The following GPC5 variants were observed in gnomAD, a reference collection of about 807,000 sequenced individuals.
GPC5 encodes glypican-5.
In GPC5, 47 loss-of-function variants were observed where a neutral mutation model predicts 53.9. That is an observed-to-expected ratio of 0.87 (90% confidence interval 0.69 to 1.11). The LOEUF (loss-of-function observed/expected upper bound fraction) is 1.11. Ranked by LOEUF, GPC5 falls within the 50% of genes most tolerant of loss-of-function variation. The pLI, the probability that GPC5 is intolerant of heterozygous loss-of-function variation, is 0.00. For synonymous variants in GPC5, 286 were observed against 263.3 expected, an observed-to-expected ratio of 1.09 and a Z score of -0.84; for missense variants, 748 against 713.1, an observed-to-expected ratio of 1.05 and a Z score of -0.56.
chr13:91,571,771 A>ATATATACACACACATACGTGTGTGTATG (rs1555325777), intron 2 of GPC5, among the ~76,000 whole-genome samples: 2 of 118,168 alleles, frequency 1.7e-5, no homozygotes, highest in Non-Finnish European at 3.5e-5. Flanking sequence ...GTGTATGTGT[A>ATATATACACACACATACGTGTGTGTATG]TATACACACA....
intron 6 of GPC5, among the ~76,000 whole-genome samples, chr13:92,099,397 G>A (rs1456772929): frequency 6.6e-6 from 1 of 152,076 alleles, no homozygotes; most frequent in African/African-American, 2.4e-5. Context: ...GACATATCAC[G>A]CTCTTTAGTG....
At chr13:92,415,704 C>T (rs1432983364) in intron 7 of GPC5, among the ~76,000 whole-genome samples, 1 of 150,976 alleles carries the variant, frequency 6.6e-6, no homozygotes, top group Non-Finnish European at 1.5e-5. Flanking sequence ...GTAATAGCAG[C>T]GGAATGATAA....
intron 5 of GPC5, among the ~76,000 whole-genome samples, chr13:91,810,933 G>T (rs1179481912): frequency 7.7e-6 from 1 of 129,884 alleles, no homozygotes; most frequent in Non-Finnish European, 1.6e-5. Flanking sequence ...GAGATTTTGT[G>T]TAACCAAAAA....
chr13:92,130,534 T>C (rs1390128217), intron 6 of GPC5, among the ~76,000 whole-genome samples: 1 of 152,066 alleles, frequency 6.6e-6, no homozygotes, highest in Non-Finnish European at 1.5e-5. Flanking sequence ...CACAAGCATT[T>C]TCAGGAAATA....
At chr13:92,542,700 G>A (rs1881970173) in intron 7 of GPC5, among the ~76,000 whole-genome samples, 1 of 151,820 alleles carries the variant, frequency 6.6e-6, no homozygotes. Flanking sequence ...CGCAATTTTT[G>A]CTTGTCTGGG....
intron 5 of GPC5, among the ~76,000 whole-genome samples, chr13:91,882,567 A>C (rs1229614841): frequency 2.6e-5 from 4 of 151,538 alleles, no homozygotes; most frequent in African/African-American, 9.7e-5. Flanking sequence ...ATATTGTTAA[A>C]CTTATAGGAA....
chr13:92,494,090 GTTTTGTTTTGT>G (rs1243715932), intron 7 of GPC5, among the ~76,000 whole-genome samples: 3 of 68,046 alleles, frequency 4.4e-5, no homozygotes, highest in Middle Eastern at 0.017. Flanking sequence ...GTTTTGTTTT[GTTTTGTTTTGT>G]TTTTTTGAGA....
At chr13:91,732,242 A>G (rs2036715814) in intron 4 of GPC5, among the ~76,000 whole-genome samples, 1 of 152,152 alleles carries the variant, frequency 6.6e-6, no homozygotes, top group Non-Finnish European at 1.5e-5. Context: ...GGCGTGAGAT[A>G]GTATCTCATT....
chr13:91,879,181 C>T lies in GPC5; in HGVS notation c.1281-28756C>T, dbSNP rs141977009. Among the ~76,000 whole-genome samples the T allele has an allele frequency of 4.3e-3, 650 of 151,934 alleles. 3 individuals carry two copies. The highest frequency in any genetic ancestry group is 0.015 in the African/African-American group (609 of 41,446). On this transcript the variant is annotated intron_variant, in intron 5 of 7. Transcript: ENST00000377067. ...GATTTTAAGTTCTGGGATACATGTG[C>T]GGACGTGCAGGTTTGTTATATAGGT...
intron 7 of GPC5, among the ~76,000 whole-genome samples, chr13:92,508,519 G>A (rs1216233178): frequency 6.6e-6 from 1 of 152,118 alleles, no homozygotes; most frequent in African/African-American, 2.4e-5. Flanking sequence ...GGTGAAGTGG[G>A]TAACATTCTT....
chr13:91,941,221 T>C (rs1033844746), intron 6 of GPC5, among the ~76,000 whole-genome samples: 1 of 152,182 alleles, frequency 6.6e-6, no homozygotes, highest in African/African-American at 2.4e-5. Flanking sequence ...TCTGCTTTTG[T>C]ACTACTACCA....
chr13:92,329,631 C>A (rs1280448957), intron 7 of GPC5, among the ~76,000 whole-genome samples: 1 of 152,136 alleles, frequency 6.6e-6, no homozygotes, highest in African/African-American at 2.4e-5. Flanking sequence ...CACCATAAGA[C>A]AAAATTCAAA....
At chr13:92,291,415 C>A (rs1429727991) in intron 7 of GPC5, among the ~76,000 whole-genome samples, 1 of 152,138 alleles carries the variant, frequency 6.6e-6, no homozygotes, top group Admixed American at 6.5e-5. Context: ...CCAATCAGCA[C>A]CCTGTGTCTA....
At chr13:92,095,715 A>G (rs1010431796) in intron 6 of GPC5, among the ~76,000 whole-genome samples, 1 of 152,010 alleles carries the variant, frequency 6.6e-6, no homozygotes, top group Non-Finnish European at 1.5e-5. Context: ...TGGCATTTTT[A>G]GTAGAGACGG....
chr13:91,517,199 ACTGCATAGTCAGG>A (rs1354024746), intron 2 of GPC5, among the ~76,000 whole-genome samples: 1 of 152,140 alleles, frequency 6.6e-6, no homozygotes, highest in Non-Finnish European at 1.5e-5. Flanking sequence ...TTTCTTTTCT[ACTGCATAGTCAGG>A]CTGCATATTT....
chr13:91,517,798 CA>C (rs1229365519), intron 2 of GPC5, among the ~76,000 whole-genome samples: 24 of 152,306 alleles, frequency 1.6e-4, no homozygotes, highest in African/African-American at 5.8e-4. Flanking sequence ...AGGCGAAAGG[CA>C]CTTCTTACAT....
At chr13:92,326,935 C>T (rs138066350) in intron 7 of GPC5, among the ~76,000 whole-genome samples, 1 of 152,104 alleles carries the variant, frequency 6.6e-6, no homozygotes, top group Admixed American at 6.6e-5. Context: ...AGCTGATGAC[C>T]TTGGCTGCAG....
chr13:92,612,391 T>A (rs1233376652), intron 7 of GPC5, among the ~76,000 whole-genome samples: 1 of 152,094 alleles, frequency 6.6e-6, no homozygotes, highest in Non-Finnish European at 1.5e-5. Context: ...GGAAAATGAT[T>A]CAAATCTTAA....
intron 7 of GPC5, among the ~76,000 whole-genome samples, chr13:92,341,756 G>A (rs1466484202): frequency 6.6e-6 from 1 of 151,858 alleles, no homozygotes. Context: ...ACAACATAGT[G>A]AAACTTATTA....
Sources: gnomAD v4.1 joint callset for allele counts (sites outside exome capture counted in the v4.1 genomes callset) on GRCh38, gnomAD v4.1.1 for gene constraint, MANE v1.5 for transcripts, NCBI Gene and HGNC (gene_info 2026-07-23, HGNC 2026-07-21) for gene names.